The following EXTL3 variants were observed in gnomAD, a reference collection of about 807,000 sequenced individuals.
EXTL3 encodes exostosin like glycosyltransferase 3.
EXTL3 carries 27 observed loss-of-function variants against 69.3 expected under a neutral mutation model. The ratio of observed to expected loss-of-function variants is 0.39; its 90% CI spans 0.29 to 0.54. The LOEUF (loss-of-function observed/expected upper bound fraction) is 0.54, where lower values mean the gene tolerates loss of function less well. Ranked by LOEUF, EXTL3 falls within the 20% of genes least tolerant of loss-of-function variation. EXTL3 has a pLI of 0.69. For missense variants in EXTL3, 1,003 were observed against 1,231.8 expected, an observed-to-expected ratio of 0.81 and a Z score of 2.78; for synonymous variants, 511 against 499.4, an observed-to-expected ratio of 1.02 and a Z score of -0.31.
chr8:28,607,890 A>C (rs1030414273), intron 2 of EXTL3: 1 of 152,216 alleles, frequency 6.6e-6, no homozygotes, highest in East Asian at 1.9e-4. Flanking sequence ...AGGCGGGCGG[A>C]TCACGAGGTC....
chr8:28,691,350 G>C (rs559995529), intron 1 of EXTL3, among the ~76,000 whole-genome samples: 13 of 152,252 alleles, frequency 8.5e-5, no homozygotes, highest in East Asian at 5.8e-4. Context: ...ATCCTAGCTT[G>C]GTCAATAAAC....
intron 1 of EXTL3, among the ~76,000 whole-genome samples, chr8:28,655,851 T>C (rs963628388): frequency 3.9e-5 from 6 of 152,176 alleles, no homozygotes; most frequent in African/African-American, 1.2e-4. Flanking sequence ...CATTTCTCAA[T>C]CTGCTATTTA....
chr8:28,618,930 G>GAAA (rs112372191), upstream of EXTL3, among the ~76,000 whole-genome samples: 9 of 141,814 alleles, frequency 6.3e-5, no homozygotes, highest in African/African-American at 2.0e-4. Flanking sequence ...TAAAAATACA[G>GAAA]AAAAAAAAAA....
At chr8:28,655,016 C>G (rs541287982) in intron 1 of EXTL3, among the ~76,000 whole-genome samples, 1 of 152,164 alleles carries the variant, frequency 6.6e-6, no homozygotes, top group Non-Finnish European at 1.5e-5. Flanking sequence ...TTTTTCTGAC[C>G]CTCATCATTT....
chr8:28,661,255 A>G (rs1421882048), intron 1 of EXTL3, among the ~76,000 whole-genome samples: 2 of 151,836 alleles, frequency 1.3e-5, no homozygotes, highest in African/African-American at 4.8e-5. Context: ...GTATAATTTG[A>G]TAATTTTGGT....
chr8:28,710,292 C>T (rs997287238), intron 1 of EXTL3: 16 of 329,560 alleles, frequency 4.9e-5, no homozygotes, highest in East Asian at 1.7e-4. Context: ...GGGGGCTAAG[C>T]GAAGCTCATT....
At chr8:28,626,768 A>T (rs532785571) in intron 1 of EXTL3, among the ~76,000 whole-genome samples, 1 of 152,288 alleles carries the variant, frequency 6.6e-6, no homozygotes, top group Admixed American at 6.5e-5. Flanking sequence ...TGAACAGCAG[A>T]TTGGTCCTTG....
At chr8:28,622,761 C>A (rs547284690) in exon 1 of EXTL3, 1 of 152,054 alleles carries the variant, frequency 6.6e-6, no homozygotes, top group African/African-American at 2.4e-5. Flanking sequence ...GCGCTGTCGC[C>A]GGCTGCAGTG....
chr8:28,746,181 G>T (rs887525683), intron 6 of EXTL3, among the ~76,000 whole-genome samples: 1 of 152,092 alleles, frequency 6.6e-6, no homozygotes, highest in Non-Finnish European at 1.5e-5. Context: ...AGTTAGGGAG[G>T]TTTGACTGCT....
intron 3 of EXTL3, among the ~76,000 whole-genome samples, chr8:28,719,637 TAA>T (rs1288224534): frequency 2.0e-5 from 3 of 152,220 alleles, no homozygotes; most frequent in Non-Finnish European, 2.9e-5. Context: ...TTTTGTATAT[TAA>T]GTTTTGTAAA....
intron 1 of EXTL3, among the ~76,000 whole-genome samples, chr8:28,671,067 G>A (rs1457004525): frequency 1.3e-5 from 2 of 151,288 alleles, no homozygotes; most frequent in South Asian, 2.1e-4. Context: ...TGCAGCCTCC[G>A]CCTCCCGGGT....
intron 1 of EXTL3, chr8:28,637,501 A>C (rs1051195442): frequency 1.3e-5 from 2 of 152,198 alleles, no homozygotes; most frequent in African/African-American, 4.8e-5. Context: ...CCAACCTTTA[A>C]ATCTGTCGAT....
chr8:28,685,012 C>T (rs1339628229), intron 1 of EXTL3, among the ~76,000 whole-genome samples: 1 of 85,504 alleles, frequency 1.2e-5, no homozygotes, highest in Non-Finnish European at 2.6e-5. Context: ...AGTGCAGTGC[C>T]ACAGTCACAG....
intron 1 of EXTL3, chr8:28,686,156 G>C (rs950997729): frequency 1.3e-5 from 2 of 152,148 alleles, no homozygotes; most frequent in African/African-American, 4.8e-5. Context: ...GTGAGCCACG[G>C]TGCCTGGCCT....
At chr8:28,624,004 G>A (rs1385304938) in intron 1 of EXTL3, among the ~76,000 whole-genome samples, 1 of 152,152 alleles carries the variant, frequency 6.6e-6, no homozygotes. Context: ...AGTCATACCT[G>A]TTGACTTGAG....
rs149700242 is a variant in EXTL3, at chr8:28,671,419, A to C, written c.-52-42038A>C. 4.2e-3 allele frequency among the ~76,000 whole-genome samples: 617 copies of C among 147,506 alleles called. 3 individuals carry two copies. The highest frequency in any genetic ancestry group is 0.014 in the African/African-American group (563 of 39,938). ...CTCCGCAACCTCTCAAGATTTCGGC[A>C]ACCTCTGCCTCCTGAGTTCAAGCGA... On this transcript the variant is annotated intron_variant, in intron 1 of 6. Coordinates refer to the EXTL3 transcript ENST00000523149.
chr8:28,725,638 G>A (rs965485827), intron 3 of EXTL3, among the ~76,000 whole-genome samples: 1 of 152,084 alleles, frequency 6.6e-6, no homozygotes, highest in African/African-American at 2.4e-5. Context: ...AGGCACTGTG[G>A]TCTATTCATT....
chr8:28,692,208 A>G (rs1480535607), intron 1 of EXTL3, among the ~76,000 whole-genome samples: 1 of 152,178 alleles, frequency 6.6e-6, no homozygotes, highest in Non-Finnish European at 1.5e-5. Flanking sequence ...TCCATTAGAG[A>G]TGGGCTTTGG....
intron 1 of EXTL3, among the ~76,000 whole-genome samples, chr8:28,691,417 A>T (rs1049919091): frequency 1.6e-4 from 25 of 152,192 alleles, no homozygotes; most frequent in African/African-American, 5.3e-4. Context: ...TTTCAAGATG[A>T]CTGTGAAGAT....
Sources: gnomAD v4.1 joint callset for allele counts (sites outside exome capture counted in the v4.1 genomes callset) on GRCh38, gnomAD v4.1.1 for gene constraint, MANE v1.5 for transcripts, NCBI Gene and HGNC (gene_info 2026-07-23, HGNC 2026-07-21) for gene names.